The following PCDHA3 variants were observed in gnomAD, a reference collection of about 807,000 sequenced individuals.
The protein encoded by PCDHA3 is protocadherin alpha 3.
In PCDHA3, 41 loss-of-function variants were observed where a neutral mutation model predicts 62.2. The observed-to-expected ratio is 0.66, with a 90% confidence interval of 0.51 to 0.86. PCDHA3 has a LOEUF of 0.86. PCDHA3 is among the 40% of genes least tolerant of loss of function. The pLI is 0.00. For missense variants in PCDHA3, 1,304 were observed against 1,241.2 expected (o/e 1.05, Z -0.76); for synonymous variants, 640 against 555.4 (o/e 1.15, Z -2.14).
intron 1 of PCDHA3, among the ~76,000 whole-genome samples, chr5:140,971,892 G>C (rs2096504766): frequency 6.6e-6 from 1 of 151,694 alleles, no homozygotes; most frequent in African/African-American, 2.4e-5. Context: ...AGCTCAGGGA[G>C]GTTAGGTAAT....
intron 1 of PCDHA3, chr5:140,848,451 T>A (rs1450153960): frequency 1.3e-6 from 2 of 1,519,288 alleles, no homozygotes; most frequent in Non-Finnish European, 1.8e-6. Context: ...TTTCTTCTAA[T>A]TTGGAGGCAA....
intron 1 of PCDHA3, chr5:140,967,338 A>G: frequency 3.7e-6 from 6 of 1,607,948 alleles, no homozygotes; most frequent in Non-Finnish European, 4.3e-6. Flanking sequence ...AGCCCCAGCG[A>G]GCACTTCGAG....
intron 1 of PCDHA3, among the ~76,000 whole-genome samples, chr5:140,937,959 T>C (rs1344033743): frequency 5.3e-5 from 8 of 152,142 alleles, no homozygotes; most frequent in African/African-American, 1.9e-4. Context: ...TTGTTGAAAG[T>C]ATATAGAAAT....
chr5:140,871,290 C>T, intron 1 of PCDHA3: 8 of 1,613,900 alleles, frequency 5.0e-6, no homozygotes, highest in African/African-American at 1.3e-5. Context: ...CCACTGAGGG[C>T]GCGTGCGCGC....
chr5:140,917,338 G>GGGGGGGT (rs2078134893), intron 1 of PCDHA3, among the ~76,000 whole-genome samples: 1 of 137,894 alleles, frequency 7.3e-6, no homozygotes, highest in Non-Finnish European at 1.6e-5. Context: ...GGAGGGGGGG[G>GGGGGGGT]ATGGTGTAGG....
chr5:140,836,708 C>T (rs1774690824), intron 1 of PCDHA3: 1 of 1,613,072 alleles, frequency 6.2e-7, no homozygotes, highest in Non-Finnish European at 8.5e-7. Flanking sequence ...TCAGTCCCAG[C>T]CTTCCTCAGG....
chr5:140,857,603 C>T lies in PCDHA3; in HGVS notation c.2394+54012C>T, dbSNP rs547758195. The T allele has an allele frequency of 1.4e-5, 22 of 1,596,384 alleles. 1 individual carries two copies. The highest frequency in any genetic ancestry group is 1.3e-4 in the South Asian group (12 of 90,484). On this transcript the variant is annotated intron_variant, in intron 1 of 3. Transcript: ENST00000522353. ...CGCGGAGAGCGGCAAGGTGTACGCG[C>T]TGCAGCCGCTGGACCACGAGGAGCT...
chr5:140,892,661 T>A (rs2063613573), intron 1 of PCDHA3, among the ~76,000 whole-genome samples: 1 of 152,232 alleles, frequency 6.6e-6, no homozygotes, highest in Non-Finnish European at 1.5e-5. Flanking sequence ...CAGAGTGACA[T>A]TTTGATACAT....
rs140356413 is a variant in PCDHA3, at chr5:140,945,687, T to C, written c.2395-33262T>C. On this transcript the variant is annotated intron_variant, in intron 1 of 3. Transcript: ENST00000522353. ...CCCAGAAATAAATCCACACAGTTAC[T>C]GTCCACTGATTTGCAACAAAAGTAT... 6.6e-3 allele frequency among the ~76,000 whole-genome samples: 1,005 copies of C among 152,204 alleles called. 10 individuals carry two copies. The highest frequency in any genetic ancestry group is 0.023 in the African/African-American group (952 of 41,538).
chr5:140,830,176 T>C, intron 1 of PCDHA3: 1 of 1,613,552 alleles, frequency 6.2e-7, no homozygotes, highest in Non-Finnish European at 8.5e-7. Context: ...CGCTGGTGGA[T>C]GTCAACGTGT....
intron 1 of PCDHA3, chr5:140,968,895 T>G: frequency 6.2e-7 from 1 of 1,614,218 alleles, no homozygotes; most frequent in Non-Finnish European, 8.5e-7. Context: ...TATCTAATAA[T>G]AGCATTAAGC....
At chr5:140,998,056 C>T (rs1162882949) in intron 3 of PCDHA3, among the ~76,000 whole-genome samples, 1 of 152,160 alleles carries the variant, frequency 6.6e-6, no homozygotes, top group Non-Finnish European at 1.5e-5. Context: ...GTGACATCAT[C>T]ATCAACAGAC....
intron 1 of PCDHA3, among the ~76,000 whole-genome samples, chr5:140,939,071 G>C (rs1376380334): frequency 2.0e-5 from 3 of 152,140 alleles, no homozygotes; most frequent in African/African-American, 7.2e-5. Context: ...TATCAAAATA[G>C]CATAAACTGG....
chr5:140,846,690 C>A (rs1189779221), intron 1 of PCDHA3, among the ~76,000 whole-genome samples: 2 of 149,102 alleles, frequency 1.3e-5, no homozygotes, highest in African/African-American at 4.9e-5. Context: ...GCTTTCTTAG[C>A]AAGTAGAGAA....
intron 1 of PCDHA3, among the ~76,000 whole-genome samples, chr5:140,965,140 TG>T (rs1191631396): frequency 2.0e-5 from 3 of 152,150 alleles, no homozygotes; most frequent in Non-Finnish European, 4.4e-5. Flanking sequence ...GACAGAATAC[TG>T]GGAGATGAAG....
intron 1 of PCDHA3, chr5:140,834,892 A>G (rs2150228741): frequency 1.2e-6 from 2 of 1,604,044 alleles, no homozygotes; most frequent in African/African-American, 2.7e-5. Flanking sequence ...CTGCTCACTT[A>G]CAGACTGAGC....
At chr5:140,870,125 A>G (rs782777018) in intron 1 of PCDHA3, 29 of 1,613,792 alleles carry the variant, frequency 1.8e-5, no homozygotes, top group African/African-American at 2.7e-5. Flanking sequence ...GAAATCTTGG[A>G]CACCAACGAT....
chr5:140,870,250 C>G (rs1562640720), intron 1 of PCDHA3: 1 of 1,614,092 alleles, frequency 6.2e-7, no homozygotes, highest in African/African-American at 1.3e-5. Flanking sequence ...TGTCAACGGA[C>G]AGGTGACCTG....
chr5:140,908,999 T>C (rs1221174156), intron 1 of PCDHA3, among the ~76,000 whole-genome samples: 1 of 152,190 alleles, frequency 6.6e-6, no homozygotes, highest in Non-Finnish European at 1.5e-5. Context: ...GAAATTTTAC[T>C]GAGGTAGAAG....
Sources: gnomAD v4.1 joint callset for allele counts (sites outside exome capture counted in the v4.1 genomes callset) on GRCh38, gnomAD v4.1.1 for gene constraint, MANE v1.5 for transcripts, NCBI Gene and HGNC (gene_info 2026-07-23, HGNC 2026-07-21) for gene names.